Variants in SLC37A1 observed in about 807,000 individuals in gnomAD.
The protein encoded by SLC37A1 is glucose-6-phosphate exchanger SLC37A1.
In SLC37A1, 49 loss-of-function variants were observed where a neutral mutation model predicts 75.3. The ratio of observed to expected loss-of-function variants is 0.65; its 90% CI spans 0.52 to 0.83. The LOEUF (loss-of-function observed/expected upper bound fraction) is 0.83, where lower values mean the gene tolerates loss of function less well. Ranked by LOEUF, SLC37A1 falls within the 40% of genes least tolerant of loss-of-function variation. The pLI is 0.00. For synonymous variants in SLC37A1, 268 were observed against 292.1 expected (o/e 0.92, Z 0.84); for missense variants, 566 against 695.0 (o/e 0.81, Z 2.09).
chr21:42,572,579 G>C (rs2056204019), intron 17 of SLC37A1, among the ~76,000 whole-genome samples: 3 of 147,400 alleles, frequency 2.0e-5, no homozygotes, highest in Admixed American at 7.1e-5. Context: ...TATTTTCAAT[G>C]TTTACTGATG....
At chr21:42,555,630 CCT>C (rs1191460469) in intron 10 of SLC37A1, among the ~76,000 whole-genome samples, 3 of 152,198 alleles carry the variant, frequency 2.0e-5, no homozygotes, top group Non-Finnish European at 4.4e-5. Context: ...GGCTGTCACC[CCT>C]CTCTGATGAT....
chr21:42,551,105 A>G (rs542299642), intron 9 of SLC37A1, among the ~76,000 whole-genome samples: 1 of 152,386 alleles, frequency 6.6e-6, no homozygotes, highest in African/African-American at 2.4e-5. Context: ...CATGCAGATT[A>G]GACAAGAAGT....
chr21:42,503,201 T>C (rs956270347), intron 2 of SLC37A1, among the ~76,000 whole-genome samples: 1 of 151,492 alleles, frequency 6.6e-6, no homozygotes, highest in African/African-American at 2.4e-5. Flanking sequence ...AAATCTTTAA[T>C]ATGAAGTTGA....
At chr21:42,533,332 C>T (rs2055044326) in intron 3 of SLC37A1, among the ~76,000 whole-genome samples, 1 of 152,210 alleles carries the variant, frequency 6.6e-6, no homozygotes, top group Non-Finnish European at 1.5e-5. Flanking sequence ...ATCACTCACG[C>T]TTGATGGGGC....
chr21:42,560,992 G>A (rs886689062), intron 11 of SLC37A1, among the ~76,000 whole-genome samples: 3 of 152,306 alleles, frequency 2.0e-5, no homozygotes, highest in East Asian at 1.9e-4. Context: ...TCTGTCACAC[G>A]GGTTCCATCC....
intron 10 of SLC37A1, among the ~76,000 whole-genome samples, chr21:42,556,016 C>T (rs942815246): frequency 2.0e-5 from 3 of 152,206 alleles, no homozygotes; most frequent in African/African-American, 7.2e-5. Context: ...GGGTGTCACC[C>T]AGCCCCTGAC....
intron 18 of SLC37A1, among the ~76,000 whole-genome samples, chr21:42,577,646 A>T (rs1278377728): frequency 6.6e-6 from 1 of 152,228 alleles, no homozygotes; most frequent in Non-Finnish European, 1.5e-5. Flanking sequence ...CAGGGGAAGC[A>T]TAGAAAAAAA....
rs534137832 is a variant in SLC37A1 at position 42,581,254 on chromosome 21, C to T, written c.*894C>T. On this transcript the variant is annotated 3_prime_UTR_variant, in exon 20 of 20. Transcript: ENST00000352133. ...TGGGACTGTTTTTAATACATAGCAACAGACTGGGTTATTTATTTAAGATGT... is the reference window on the plus strand; with the variant it reads ...TGGGACTGTTTTTAATACATAGCAATAGACTGGGTTATTTATTTAAGATGT... 2.6e-5 allele frequency: 4 copies of T among 152,550 alleles called. No homozygotes were observed. The highest frequency in any genetic ancestry group is 5.9e-5 in the Non-Finnish European group (4 of 68,050). 9.4% of individuals were successfully genotyped at this position (152,550 alleles called of 1,614,324 possible).
In SLC37A1 at chr21:42,574,926, C is replaced by T. The variant is rs1329989960; in HGVS notation, c.1521+11C>T. ...GCCTGTGCCTTACTGGTAAGTCGGC[C>T]TATTTTTAGTCCAATCCACCTTGAA... On this transcript the variant is annotated intron_variant, in intron 18 of 19. Coordinates refer to ENST00000352133, the MANE Select transcript of SLC37A1 (RefSeq NM_001320537.2). The T allele has an allele frequency of 5.6e-6, 9 of 1,613,868 alleles. No homozygotes were observed. The highest frequency in any genetic ancestry group is 7.6e-6 in the Non-Finnish European group (9 of 1,179,896).
intron 8 of SLC37A1, among the ~76,000 whole-genome samples, chr21:42,544,173 G>A (rs1027959420): frequency 1.3e-5 from 2 of 152,218 alleles, no homozygotes; most frequent in African/African-American, 4.8e-5. Flanking sequence ...GTTACAGCAA[G>A]AATAGAGATG....
intron 3 of SLC37A1, among the ~76,000 whole-genome samples, chr21:42,529,329 G>A (rs954093694): frequency 6.6e-6 from 1 of 152,060 alleles, no homozygotes; most frequent in African/African-American, 2.4e-5. Flanking sequence ...CAGCACTTTG[G>A]GAGGCCGAGG....
intron 3 of SLC37A1, among the ~76,000 whole-genome samples, chr21:42,530,645 CACACACA>C (rs1385336532): frequency 7.4e-4 from 23 of 31,258 alleles, no homozygotes; most frequent in South Asian, 1.7e-3. Context: ...CACACACACA[CACACACA>C]CACCCCCTCT....
chr21:42,546,355 T>C (rs190410919), intron 8 of SLC37A1, among the ~76,000 whole-genome samples: 41 of 152,338 alleles, frequency 2.7e-4, no homozygotes, highest in Admixed American at 2.4e-3. Context: ...CATATCAAGA[T>C]AGATGTTTTA....
chr21:42,509,225 T>C (rs964867412), upstream of SLC37A1: 1 of 152,220 alleles, frequency 6.6e-6, no homozygotes, highest in African/African-American at 2.4e-5. This position sits in a 1 kb window ranked among gnomAD's most constrained non-coding sequence, Gnocchi z 4.2. Flanking sequence ...AAACTATGAT[T>C]TTTATGTCCA....
intron 3 of SLC37A1, among the ~76,000 whole-genome samples, chr21:42,529,843 G>A (rs980605897): frequency 7.9e-5 from 12 of 152,196 alleles, no homozygotes; most frequent in East Asian, 1.9e-4. Flanking sequence ...TTCACTGGTC[G>A]TGAGGGGAGA....
chr21:42,575,904 C>A (rs1940768728), intron 18 of SLC37A1: 1 of 985,186 alleles, frequency 1.0e-6, no homozygotes, highest in Non-Finnish European at 1.2e-6. Context: ...AATGAAGCCT[C>A]CAGATGGATT....
At chr21:42,510,018 T>C (rs891927428), upstream of SLC37A1, among the ~76,000 whole-genome samples, 4 of 152,190 alleles carry the variant, frequency 2.6e-5, no homozygotes, top group Admixed American at 6.5e-5. Context: ...GGCATACAAG[T>C]TGAGGTGGGG....
At position 42,548,003 on chromosome 21, in the gene SLC37A1, C is replaced by T. The variant is rs986586064; in HGVS notation, c.768+863C>T. Among the ~76,000 whole-genome samples, 13 of 152,164 alleles carry T rather than the reference C, an allele frequency of 8.5e-5. No homozygotes were observed. Among genetic ancestry groups the T allele is most frequent in the Non-Finnish European group, 1.8e-4 (12 of 68,022 alleles). On this transcript the variant is annotated intron_variant, in intron 9 of 19. Transcript: ENST00000352133. This position sits in a 1 kb window ranked among gnomAD's most constrained non-coding sequence, Gnocchi z 5.6. ...GCCTCACCCTGCTGGGCCCGTCGCC[C>T]GCGTCTGACCCAATGCTTCCCTCCC...
Position 42,514,005 on chromosome 21 carries a change from A to C in SLC37A1, c.-891A>C, listed in dbSNP as rs1247139690. ...CGCACCTGCGGGGCAGCCGGCGCTC[A>C]GGCGCCGCAGCCGCTCAGCACCTGC... On this transcript the variant is annotated 5_prime_UTR_variant, in exon 1 of 20. Transcript: ENST00000352133. The surrounding 1 kb of genome is among the most constrained non-coding windows in gnomAD (Gnocchi z 4.8). 1 of 146,908 alleles carries C rather than the reference A, an allele frequency of 6.8e-6. No individual in the cohort carries two copies. The highest frequency in any genetic ancestry group is 1.5e-5 in the Non-Finnish European group (1 of 66,420). The allele number at this position is 146,908 out of a possible 1,614,324, so 9.1% of individuals were successfully genotyped here. A position where few individuals can be genotyped will look rare whatever the true frequency, so the allele number is the denominator to read the frequency against.
Sources: gnomAD v4.1 joint callset for allele counts (sites outside exome capture counted in the v4.1 genomes callset) on GRCh38, gnomAD v4.1.1 for gene constraint, Gnocchi (gnomAD v3.1) non-coding constraint, MANE v1.5 for transcripts, NCBI Gene and HGNC (gene_info 2026-07-23, HGNC 2026-07-21) for gene names.